Variants in IQSEC1 observed in about 807,000 individuals in gnomAD.
The protein encoded by IQSEC1 is IQ motif and Sec7 domain ArfGEF 1.
Under a neutral mutation model 91.0 loss-of-function variants are expected in IQSEC1, and 31 were observed. That is an observed-to-expected ratio of 0.34 (90% confidence interval 0.26 to 0.46). The LOEUF (loss-of-function observed/expected upper bound fraction) is 0.46, where lower values mean the gene tolerates loss of function less well. IQSEC1 is among the 20% of genes least tolerant of loss of function. The pLI is 1.00. For synonymous variants in IQSEC1, 699 were observed against 662.6 expected (o/e 1.05, Z -0.84); for missense variants, 1,388 against 1,575.6 (o/e 0.88, Z 2.02).
chr3:13,049,134 T>G (rs1704599566), intron 1 of IQSEC1, among the ~76,000 whole-genome samples: 1 of 152,184 alleles, frequency 6.6e-6, no homozygotes, highest in Non-Finnish European at 1.5e-5. Context: ...GAACCCACAC[T>G]GGGCATGGTG....
chr3:13,177,995 C>G (rs921524206), intron 1 of IQSEC1, among the ~76,000 whole-genome samples: 1 of 152,268 alleles, frequency 6.6e-6, no homozygotes, highest in Non-Finnish European at 1.5e-5. Context: ...CATCCCTGAA[C>G]AGCTAGGCTC....
intron 2 of IQSEC1, among the ~76,000 whole-genome samples, chr3:13,146,030 C>T (rs1472316073): frequency 6.6e-6 from 1 of 152,176 alleles, no homozygotes; most frequent in African/African-American, 2.4e-5. Context: ...GTCTGTCACT[C>T]AGGCTGGAGT....
At chr3:13,252,953 C>T (rs942377980) in intron 1 of IQSEC1, among the ~76,000 whole-genome samples, 1 of 152,274 alleles carries the variant, frequency 6.6e-6, no homozygotes, top group South Asian at 2.1e-4. Context: ...AGGATGGTCT[C>T]GATCTCCTGA....
At chr3:13,022,932 C>T (rs1703467659) in intron 1 of IQSEC1, among the ~76,000 whole-genome samples, 1 of 152,354 alleles carries the variant, frequency 6.6e-6, no homozygotes, top group Middle Eastern at 3.4e-3. Flanking sequence ...TTAGTTTCAC[C>T]TCAGGCTACT....
chr3:13,043,148 G>C (rs1027722313), intron 1 of IQSEC1, among the ~76,000 whole-genome samples: 7 of 152,150 alleles, frequency 4.6e-5, no homozygotes, highest in African/African-American at 1.7e-4. Context: ...GAATCCTGTC[G>C]CTAACCAGGG....
chr3:12,910,725 G>A (rs1363432249), intron 10 of IQSEC1, among the ~76,000 whole-genome samples: 1 of 152,236 alleles, frequency 6.6e-6, no homozygotes, highest in African/African-American at 2.4e-5. Context: ...AGATCCAGGC[G>A]CAAGGCCTGT....
At chr3:13,197,753 C>T (rs952196483) in intron 1 of IQSEC1, among the ~76,000 whole-genome samples, 3 of 152,206 alleles carry the variant, frequency 2.0e-5, no homozygotes, top group South Asian at 2.1e-4. Context: ...AAGTGTGCCC[C>T]GTTCACAGGT....
At chr3:13,165,072 A>C (rs1693460949) in intron 1 of IQSEC1, among the ~76,000 whole-genome samples, 1 of 152,152 alleles carries the variant, frequency 6.6e-6, no homozygotes, top group South Asian at 2.1e-4. Flanking sequence ...TTGCCCACAG[A>C]TTCAGACCCG....
chr3:13,002,176 C>T (rs1405797810), intron 1 of IQSEC1, among the ~76,000 whole-genome samples: 1 of 152,078 alleles, frequency 6.6e-6, no homozygotes, highest in East Asian at 1.9e-4. Context: ...CCACCATACA[C>T]AAAAATTAAC....
chr3:13,180,719 G>A (rs1327337388), intron 1 of IQSEC1, among the ~76,000 whole-genome samples: 1 of 149,834 alleles, frequency 6.7e-6, no homozygotes, highest in African/African-American at 2.5e-5. Context: ...GCGAGCTCAC[G>A]AGCCCACCGG....
At chr3:13,082,007 C>T (rs1442124075) in intron 2 of IQSEC1, among the ~76,000 whole-genome samples, 7 of 152,170 alleles carry the variant, frequency 4.6e-5, no homozygotes, top group Non-Finnish European at 8.8e-5. Flanking sequence ...CCGGGCAGCA[C>T]GAGGGGTGCA....
At chr3:13,213,800 G>A (rs988497232) in intron 1 of IQSEC1, among the ~76,000 whole-genome samples, 1 of 152,128 alleles carries the variant, frequency 6.6e-6, no homozygotes, top group African/African-American at 2.4e-5. Flanking sequence ...TGCTGCACAT[G>A]GCTGCAAGGA....
chr3:13,161,218 G>A (rs67057653), intron 2 of IQSEC1, among the ~76,000 whole-genome samples: 3 of 152,188 alleles, frequency 2.0e-5, no homozygotes, highest in African/African-American at 4.8e-5. Context: ...CTGTGGAAGC[G>A]CAGCTGCGCT....
At position 12,901,063 on chromosome 3, in the gene IQSEC1, G is replaced by A; in HGVS notation, c.3265C>T (p.His1089Tyr). Reference protein sequence around the residue: ...LPSAHVGHTVHHHGQPPAPPP... With the variant: ...LPSAHVGHTVYHHGQPPAPPP... ...GGGGCAGGGGGCTGCCCATGGTGGT[G>A]CACTGTGTGCCCCACGTGGGCCGAG... The change falls in exon 14 of 14, where the codon CAC (histidine) becomes TAC (tyrosine). Residue 1089 changes from histidine to tyrosine, a missense_variant. By Grantham distance (83) the His-to-Tyr change is moderately conservative. Transcript: ENST00000613206. The A allele has an allele frequency of 6.5e-7, 1 of 1,541,958 alleles. No individual in the cohort carries two copies. Among genetic ancestry groups the A allele is most frequent in the Non-Finnish European group, 8.7e-7 (1 of 1,146,032 alleles).
In IQSEC1 at chr3:12,922,513, G is replaced by C. The variant is rs752492713; in HGVS notation, c.1731-271C>G. ...GTTTTCCCAGTGGGGCAGAGCATAT[G>C]GTTATCTGGATCAAAGCCCTTCCCA... On this transcript the variant is annotated intron_variant, in intron 4 of 13. Transcript: ENST00000613206. This position sits in a 1 kb window ranked among gnomAD's most constrained non-coding sequence, Gnocchi z 5.1. Among the ~76,000 whole-genome samples, 36 of 152,172 alleles carry C rather than the reference G, an allele frequency of 2.4e-4. No homozygotes were observed. The highest frequency in any genetic ancestry group is 4.3e-4 in the Non-Finnish European group (29 of 68,026).
chr3:13,032,236 A>C (rs1266293376), intron 1 of IQSEC1, among the ~76,000 whole-genome samples: 2 of 152,230 alleles, frequency 1.3e-5, no homozygotes, highest in Non-Finnish European at 2.9e-5. Context: ...AAATGAGGGC[A>C]CTGACACTGA....
intron 2 of IQSEC1, among the ~76,000 whole-genome samples, chr3:13,142,075 C>T (rs1222519983): frequency 2.0e-5 from 3 of 152,238 alleles, no homozygotes; most frequent in Non-Finnish European, 4.4e-5. Flanking sequence ...AGGTTTGAGA[C>T]GCACAGTTGT....
intron 1 of IQSEC1, among the ~76,000 whole-genome samples, chr3:13,234,147 TGTGTGTACCCCA>T (rs1478973544): frequency 1.3e-5 from 2 of 152,366 alleles, no homozygotes; most frequent in East Asian, 3.9e-4. Flanking sequence ...TGTGTTTGTC[TGTGTGTACCCCA>T]GTGTCTATGT....
chr3:13,245,973 G>T (rs1466065481), intron 1 of IQSEC1, among the ~76,000 whole-genome samples: 1 of 152,112 alleles, frequency 6.6e-6, no homozygotes, highest in Non-Finnish European at 1.5e-5. Flanking sequence ...AGCTGAAGTT[G>T]AAGGCTAGGC....
Sources: allele counts gnomAD v4.1 joint callset (sites outside exome capture counted in the v4.1 genomes callset), GRCh38; gene constraint gnomAD v4.1.1; non-coding constraint Gnocchi (gnomAD v3.1); transcripts MANE v1.5; gene names NCBI Gene and HGNC (gene_info 2026-07-23, HGNC 2026-07-21).